Variants in NCAM2 observed in about 807,000 individuals in gnomAD.
NCAM2 encodes N-CAM-2.
NCAM2 carries 30 observed loss-of-function variants against 98.1 expected under a neutral mutation model. That is an observed-to-expected ratio of 0.31 (90% confidence interval 0.23 to 0.41). The LOEUF (loss-of-function observed/expected upper bound fraction) is 0.41. Ranked by LOEUF, NCAM2 falls within the 10% of genes least tolerant of loss-of-function variation. The pLI is 1.00. For missense variants in NCAM2, 867 were observed against 1,005.8 expected (o/e 0.86, Z 1.87); for synonymous variants, 368 against 342.4 (o/e 1.07, Z -0.83).
rs146099334 is a variant in NCAM2 at position 21,066,924 on chromosome 21, A to G, written c.55+68306A>G. On this transcript the variant is annotated intron_variant, in intron 1 of 17. Transcript: ENST00000400546. Reference sequence around the variant, plus strand: ...ATGGAGAGAACTACAGCATAACTGTAGCGTGTGTTAGAGATACTCATTCCA... The same window carrying G: ...ATGGAGAGAACTACAGCATAACTGTGGCGTGTGTTAGAGATACTCATTCCA... Among the ~76,000 whole-genome samples, 345 of 152,126 alleles carry G rather than the reference A, an allele frequency of 2.3e-3. 1 individual carries two copies. Among genetic ancestry groups the G allele is most frequent in the African/African-American group, 7.1e-3 (293 of 41,558 alleles).
At chr21:21,090,904 A>G (rs775357926) in intron 1 of NCAM2, among the ~76,000 whole-genome samples, 5 of 152,348 alleles carry the variant, frequency 3.3e-5, no homozygotes, top group East Asian at 1.9e-4. Context: ...GATGAAAACC[A>G]TAAATCAATA....
chr21:21,515,390 T>C (rs1466644027), intron 16 of NCAM2, among the ~76,000 whole-genome samples: 1 of 152,160 alleles, frequency 6.6e-6, no homozygotes, highest in East Asian at 1.9e-4. Context: ...GAATGCATTA[T>C]AACTAAACAA....
chr21:21,291,985 G>T, intron 4 of NCAM2, 119 bp from the exon 5 acceptor site: 1 of 861,780 alleles, frequency 1.2e-6, no homozygotes. Context: ...GAATTTGTTT[G>T]CTGATGAAAA....
chr21:21,076,979 T>A (rs1004743804), intron 1 of NCAM2, among the ~76,000 whole-genome samples: 5 of 152,130 alleles, frequency 3.3e-5, no homozygotes, highest in Admixed American at 6.6e-5. Flanking sequence ...TTCTTTCCAT[T>A]ATCAGAGTTT....
At chr21:21,332,684 T>C (rs368211516) in intron 6 of NCAM2, among the ~76,000 whole-genome samples, 6 of 152,264 alleles carry the variant, frequency 3.9e-5, no homozygotes, top group East Asian at 1.9e-4. Flanking sequence ...CTGCACCTTC[T>C]GTCGCTTTGA....
intron 15 of NCAM2, among the ~76,000 whole-genome samples, chr21:21,502,885 AAT>A (rs1304700302): frequency 3.9e-5 from 6 of 152,078 alleles, no homozygotes; most frequent in African/African-American, 1.4e-4. Context: ...TCCTGAAATT[AAT>A]TTTCAGTCTA....
intron 5 of NCAM2, among the ~76,000 whole-genome samples, chr21:21,293,459 C>T (rs183279381): frequency 6.3e-4 from 96 of 151,818 alleles, no homozygotes; most frequent in African/African-American, 2.2e-3. Context: ...TATGATCCAC[C>T]CCTTCCCTAA....
At chr21:21,520,795 T>C (rs565356613) in intron 16 of NCAM2, among the ~76,000 whole-genome samples, 1 of 152,202 alleles carries the variant, frequency 6.6e-6, no homozygotes, top group South Asian at 2.1e-4. Flanking sequence ...TGAGAACCAG[T>C]TCAGGAATAG....
chr21:21,075,205 A>G (rs8132896), intron 1 of NCAM2, among the ~76,000 whole-genome samples: 32,128 of 152,048 alleles, frequency 0.21, 3,854 homozygotes, highest in African/African-American at 0.31. Flanking sequence ...GGAGCTATGT[A>G]AGGGATAACA....
chr21:21,122,575 T>C (rs756477267), intron 1 of NCAM2, among the ~76,000 whole-genome samples: 29 of 152,200 alleles, frequency 1.9e-4, no homozygotes, highest in Non-Finnish European at 3.5e-4. Context: ...GCCCGTATTG[T>C]CTAATGTGGG....
intron 1 of NCAM2, among the ~76,000 whole-genome samples, chr21:21,188,400 G>T (rs771922330): frequency 6.6e-6 from 1 of 151,992 alleles, no homozygotes; most frequent in Non-Finnish European, 1.5e-5. Flanking sequence ...TTACATATCC[G>T]TGAAAGTTAT....
intron 10 of NCAM2, among the ~76,000 whole-genome samples, chr21:21,416,565 G>A (rs1334853696): frequency 6.6e-6 from 1 of 151,410 alleles, no homozygotes; most frequent in African/African-American, 2.4e-5. Flanking sequence ...CAATAAAACA[G>A]GTATGCCTAT....
intron 5 of NCAM2, among the ~76,000 whole-genome samples, chr21:21,322,385 A>G (rs141624169): frequency 6.6e-6 from 1 of 152,170 alleles, no homozygotes; most frequent in East Asian, 1.9e-4. Context: ...AACCACCTTT[A>G]CCCCAAACCT....
At chr21:21,213,473 A>G (rs2069743033) in intron 1 of NCAM2, among the ~76,000 whole-genome samples, 1 of 152,182 alleles carries the variant, frequency 6.6e-6, no homozygotes, top group African/African-American at 2.4e-5. Flanking sequence ...GTACTAGGAA[A>G]CTACATTGCC....
chr21:21,436,895 G>A (rs1978427903), intron 12 of NCAM2, among the ~76,000 whole-genome samples: 1 of 151,438 alleles, frequency 6.6e-6, no homozygotes, highest in African/African-American at 2.4e-5. Flanking sequence ...CCTAGTAGCT[G>A]AGATTACAGG....
intron 1 of NCAM2, among the ~76,000 whole-genome samples, chr21:21,034,053 G>A (rs940932283): frequency 7.3e-5 from 9 of 124,088 alleles, no homozygotes; most frequent in African/African-American, 2.3e-4. Flanking sequence ...GATAGGCAAA[G>A]GGGGGGGGGA....
intron 1 of NCAM2, among the ~76,000 whole-genome samples, chr21:21,252,252 G>C (rs2071502192): frequency 7.2e-6 from 1 of 138,042 alleles, no homozygotes; most frequent in African/African-American, 2.7e-5. Flanking sequence ...ACTCTTGATG[G>C]GAGTGTAAAT....
chr21:21,104,869 T>G (rs2066314025), intron 1 of NCAM2, among the ~76,000 whole-genome samples: 3 of 152,140 alleles, frequency 2.0e-5, no homozygotes, highest in African/African-American at 7.2e-5. Context: ...TTGTTGCTGT[T>G]TTTTCTTACT....
intron 1 of NCAM2, among the ~76,000 whole-genome samples, chr21:21,139,470 C>T (rs943234379): frequency 6.6e-6 from 1 of 152,198 alleles, no homozygotes; most frequent in Non-Finnish European, 1.5e-5. Flanking sequence ...TTAAGCACGA[C>T]TTTTCACAAA....
Sources: gnomAD v4.1 joint callset for allele counts (sites outside exome capture counted in the v4.1 genomes callset) on GRCh38, gnomAD v4.1.1 for gene constraint, MANE v1.5 for transcripts, NCBI Gene and HGNC (gene_info 2026-07-23, HGNC 2026-07-21) for gene names.